The following EXOC6B variants were observed in gnomAD, a reference collection of about 807,000 sequenced individuals.
EXOC6B encodes the protein exocyst complex component 6B.
EXOC6B carries 54 observed loss-of-function variants against 113.5 expected under a neutral mutation model. The observed-to-expected ratio is 0.48, with a 90% confidence interval of 0.38 to 0.60. The LOEUF (loss-of-function observed/expected upper bound fraction) is 0.60. Among genes scored for constraint, EXOC6B ranks in the 20% least tolerant of loss-of-function variants. The pLI is 0.00. For synonymous variants in EXOC6B, 357 were observed against 339.0 expected (o/e 1.05, Z -0.58); for missense variants, 797 against 977.5 (o/e 0.82, Z 2.46).
At chr2:72,244,731 C>G (rs563178835) in intron 20 of EXOC6B, among the ~76,000 whole-genome samples, 2 of 151,900 alleles carry the variant, frequency 1.3e-5, no homozygotes, top group African/African-American at 4.8e-5. Context: ...GACTGATACA[C>G]CATTAACATT....
chr2:72,506,235 T>C (rs181498582), intron 11 of EXOC6B, among the ~76,000 whole-genome samples: 2 of 152,296 alleles, frequency 1.3e-5, no homozygotes, highest in Admixed American at 1.3e-4. Context: ...CATTTCCTTG[T>C]GTCTATTCTC....
chr2:72,699,252 G>A (rs1334414419), intron 6 of EXOC6B, among the ~76,000 whole-genome samples: 1 of 152,144 alleles, frequency 6.6e-6, no homozygotes. Flanking sequence ...AGCCAAGGCG[G>A]GTGGATCACG....
chr2:72,647,366 A>C (rs1673807811), intron 6 of EXOC6B, among the ~76,000 whole-genome samples: 1 of 152,226 alleles, frequency 6.6e-6, no homozygotes, highest in Non-Finnish European at 1.5e-5. Flanking sequence ...GGTAATTTAC[A>C]GATTCAATGC....
At chr2:72,640,517 T>G (rs910490788) in intron 6 of EXOC6B, among the ~76,000 whole-genome samples, 4 of 152,076 alleles carry the variant, frequency 2.6e-5, no homozygotes, top group African/African-American at 9.6e-5. Flanking sequence ...GCAGAGAACC[T>G]CAGTAAGACA....
chr2:72,379,007 C>T (rs1035042514), intron 19 of EXOC6B, among the ~76,000 whole-genome samples: 1 of 152,172 alleles, frequency 6.6e-6, no homozygotes, highest in Admixed American at 6.6e-5. Context: ...ATGAGACATA[C>T]AGGAAAGTTT....
chr2:72,699,055 A>G (rs1328284283), intron 6 of EXOC6B, among the ~76,000 whole-genome samples: 2 of 152,172 alleles, frequency 1.3e-5, no homozygotes, highest in African/African-American at 4.8e-5. Flanking sequence ...TAATTTTTCT[A>G]AAAAAGAAGG....
chr2:72,672,938 C>G (rs1311814707), intron 6 of EXOC6B, among the ~76,000 whole-genome samples: 1 of 152,082 alleles, frequency 6.6e-6, no homozygotes, highest in East Asian at 1.9e-4. Context: ...AAGAGAATAA[C>G]TGGAATGTTC....
chr2:72,176,567 C>G lies in EXOC6B; in HGVS notation c.*2768G>C, dbSNP rs1244565997. The G allele has an allele frequency of 6.6e-6, 1 of 152,248 alleles. No individual in the cohort carries two copies. The highest frequency in any genetic ancestry group is 1.5e-5 in the Non-Finnish European group (1 of 68,060). 9.4% of individuals were successfully genotyped at this position (152,248 alleles called of 1,614,324 possible). ...GGAAGCTCTACATTCCCTTTGCCAA[C>G]AGGATCTCACTTCCTGGTTCCCATT... is the stretch of plus-strand genomic sequence containing the variant. On this transcript the variant is annotated 3_prime_UTR_variant, in exon 22 of 22. Coordinates refer to ENST00000272427, the MANE Select transcript of EXOC6B (RefSeq NM_015189.3).
At chr2:72,575,236 C>T (rs370734153) in intron 7 of EXOC6B, among the ~76,000 whole-genome samples, 2 of 152,082 alleles carry the variant, frequency 1.3e-5, no homozygotes, top group Admixed American at 1.3e-4. Context: ...CCAGCCAGTA[C>T]AGAATTTAAA....
intron 6 of EXOC6B, among the ~76,000 whole-genome samples, chr2:72,696,012 A>G (rs1277533627): frequency 6.6e-6 from 1 of 152,186 alleles, no homozygotes; most frequent in East Asian, 1.9e-4. Context: ...GTGTATATAT[A>G]TATAATTTTC....
intron 1 of EXOC6B, among the ~76,000 whole-genome samples, chr2:72,744,293 G>T (rs2104826564): frequency 6.6e-6 from 1 of 152,266 alleles, no homozygotes; most frequent in African/African-American, 2.4e-5. Context: ...TTCCAGTCAA[G>T]ATTCTGAACA....
intron 18 of EXOC6B, among the ~76,000 whole-genome samples, chr2:72,425,580 C>T (rs953911316): frequency 1.3e-5 from 2 of 152,142 alleles, no homozygotes; most frequent in African/African-American, 4.8e-5. Context: ...CTCCCCAAAT[C>T]TCCATTTTGC....
chr2:72,370,326 C>A (rs1572983412), intron 19 of EXOC6B, among the ~76,000 whole-genome samples: 1 of 152,162 alleles, frequency 6.6e-6, no homozygotes, highest in African/African-American at 2.4e-5. Flanking sequence ...CATCTCACAC[C>A]AGTTAGAATG....
intron 1 of EXOC6B, among the ~76,000 whole-genome samples, chr2:72,786,171 G>A (rs187816701): frequency 1.3e-4 from 20 of 152,240 alleles, no homozygotes; most frequent in African/African-American, 3.1e-4. Context: ...TGAAAGAATC[G>A]TAACAATGAA....
chr2:72,264,404 CTACAAAAA>C (rs1210319327), intron 20 of EXOC6B, among the ~76,000 whole-genome samples: 1 of 152,070 alleles, frequency 6.6e-6, no homozygotes, highest in Non-Finnish European at 1.5e-5. Context: ...AACCCCGTCT[CTACAAAAA>C]TACAAAAAAT....
At chr2:72,758,924 C>G in intron 1 of EXOC6B, among the ~76,000 whole-genome samples, 1 of 152,232 alleles carries the variant, frequency 6.6e-6, no homozygotes, top group African/African-American at 2.4e-5. Context: ...TAAACAATCT[C>G]AAATTATTCA....
At chr2:72,750,701 C>A (rs1329159288) in intron 1 of EXOC6B, among the ~76,000 whole-genome samples, 1 of 152,096 alleles carries the variant, frequency 6.6e-6, no homozygotes, top group Non-Finnish European at 1.5e-5. Flanking sequence ...GGGAGGTCTA[C>A]ACTCATACTA....
At chr2:72,790,648 C>T (rs555647609) in intron 1 of EXOC6B, among the ~76,000 whole-genome samples, 4 of 151,924 alleles carry the variant, frequency 2.6e-5, no homozygotes, top group Non-Finnish European at 4.4e-5. Context: ...AAAACTACTA[C>T]GTAGAAAACA....
At chr2:72,571,293 T>C (rs372669218) in intron 7 of EXOC6B, among the ~76,000 whole-genome samples, 5 of 152,176 alleles carry the variant, frequency 3.3e-5, no homozygotes, top group Non-Finnish European at 7.3e-5. Flanking sequence ...CTCATGCCTG[T>C]AATCCCAGCA....
Sources: gnomAD v4.1 joint callset for allele counts (sites outside exome capture counted in the v4.1 genomes callset) on GRCh38, gnomAD v4.1.1 for gene constraint, MANE v1.5 for transcripts, NCBI Gene and HGNC (gene_info 2026-07-23, HGNC 2026-07-21) for gene names.